Variants in DPP6 observed in about 807,000 individuals in gnomAD.
DPP6 encodes dipeptidyl peptidase like 6.
A neutral mutation model predicts 122.6 loss-of-function variants in DPP6; 69 were observed. That is an observed-to-expected ratio of 0.56 (90% CI 0.46 to 0.69). The LOEUF (loss-of-function observed/expected upper bound fraction) is 0.69, where lower values mean the gene tolerates loss of function less well. DPP6 is among the 30% of genes least tolerant of loss of function. The pLI is 0.00. For synonymous variants in DPP6, 418 were observed against 433.1 expected, an observed-to-expected ratio of 0.97 and a Z score of 0.43; for missense variants, 928 against 1,116.9, an observed-to-expected ratio of 0.83 and a Z score of 2.41.
intron 3 of DPP6, among the ~76,000 whole-genome samples, chr7:154,507,708 T>A (rs1219089426): frequency 6.6e-6 from 1 of 152,026 alleles, no homozygotes; most frequent in Non-Finnish European, 1.5e-5. Flanking sequence ...AATAAAGAAA[T>A]CTCTCAGCAA....
intron 6 of DPP6, among the ~76,000 whole-genome samples, chr7:154,668,208 TATATA>T (rs977796070): frequency 3.0e-5 from 3 of 100,264 alleles, no homozygotes. Context: ...TATATATATA[TATATA>T]TATATAATAT....
At chr7:154,172,099 TG>T (rs1372564977) in intron 1 of DPP6, among the ~76,000 whole-genome samples, 2 of 151,586 alleles carry the variant, frequency 1.3e-5, no homozygotes, top group African/African-American at 4.9e-5. Context: ...TGAGCCTCAT[TG>T]CAATACTTGT....
intron 1 of DPP6, among the ~76,000 whole-genome samples, chr7:154,061,462 G>A (rs1364825478): frequency 6.8e-6 from 1 of 146,944 alleles, no homozygotes. Context: ...GCTAAAGGAT[G>A]GCCCCCCTAT....
At chr7:154,794,343 G>C in intron 11 of DPP6, 141 bp downstream of exon 11, 2 of 1,345,386 alleles carry the variant, frequency 1.5e-6, no homozygotes, top group Non-Finnish European at 1.9e-6. Flanking sequence ...AGCCCGCGGC[G>C]CAGAGTCCCG....
intron 1 of DPP6, among the ~76,000 whole-genome samples, chr7:154,040,845 T>G (rs3864484): frequency 1.4e-5 from 2 of 147,640 alleles, no homozygotes; most frequent in African/African-American, 5.1e-5. Flanking sequence ...TGCAGCTCTT[T>G]CCTCCTGCCC....
In DPP6 at chr7:154,245,518, C is replaced by A. The variant is rs1486590294; in HGVS notation, c.243+192455C>A. 3.3e-5 allele frequency among the ~76,000 whole-genome samples: 5 copies of A among 150,784 alleles called. No individual in the cohort carries two copies. The East Asian group carries it at 1.0e-3, about 30-fold the overall frequency. The stretch of plus-strand genomic sequence containing the variant: ...GGCATGGTGGCGGGTGGCCTATAAT[C>A]CCAGCTACTTGGGAGGCTGAGGCAG... On this transcript the variant is annotated intron_variant, in intron 1 of 25. Transcript: ENST00000377770.
intron 1 of DPP6, among the ~76,000 whole-genome samples, chr7:154,220,954 G>A (rs1270437864): frequency 6.6e-6 from 1 of 152,132 alleles, no homozygotes; most frequent in Non-Finnish European, 1.5e-5. Flanking sequence ...TCTTGAATTA[G>A]TGATAAACAG....
At chr7:154,449,728 C>T (rs1037972570) in intron 2 of DPP6, among the ~76,000 whole-genome samples, 15 of 152,068 alleles carry the variant, frequency 9.9e-5, no homozygotes, top group Middle Eastern at 3.4e-3. Flanking sequence ...TGTGATGTGG[C>T]GGGGCGCGGT....
chr7:153,769,097 T>C, the DPP6 span, among the ~76,000 whole-genome samples: 2 of 152,214 alleles, frequency 1.3e-5, no homozygotes, highest in African/African-American at 2.4e-5. Context: ...TGAAAGATCA[T>C]TGATTTTCAT....
At chr7:154,867,186 TG>T (rs1330207712) in intron 17 of DPP6, among the ~76,000 whole-genome samples, 5 of 152,082 alleles carry the variant, frequency 3.3e-5, no homozygotes, top group Non-Finnish European at 5.9e-5. Flanking sequence ...GTAGGCTTAG[TG>T]TGAGAAGGGA....
chr7:154,493,706 G>T (rs558083781), intron 3 of DPP6, among the ~76,000 whole-genome samples: 2 of 152,092 alleles, frequency 1.3e-5, no homozygotes, highest in African/African-American at 4.8e-5. Context: ...TTTGGCTTTC[G>T]TGAACTGTGT....
chr7:153,834,644 G>A, the DPP6 span, among the ~76,000 whole-genome samples: 1 of 152,114 alleles, frequency 6.6e-6, no homozygotes, highest in Non-Finnish European at 1.5e-5. Context: ...ACAATGAGAT[G>A]GCCAGAACAT....
chr7:154,724,886 A>G (rs776347024), intron 7 of DPP6, among the ~76,000 whole-genome samples: 1 of 152,244 alleles, frequency 6.6e-6, no homozygotes, highest in Non-Finnish European at 1.5e-5. Flanking sequence ...TACTTAATGC[A>G]CTGAACTGGA....
intron 7 of DPP6, among the ~76,000 whole-genome samples, chr7:154,704,901 G>A (rs766402186): frequency 5.3e-5 from 8 of 152,110 alleles, no homozygotes; most frequent in Non-Finnish European, 8.8e-5. Context: ...CCTGTATATG[G>A]CTTTCTGTTT....
rs917740372 is a variant in DPP6 at position 154,618,734 on chromosome 7, C to T, written c.628-19087C>T. The stretch of plus-strand genomic sequence containing the variant: ...ACATGCCTACTAAATGCTCTGTAGG[C>T]TTTATCTCATTTTAACTTCACTTAC... On this transcript the variant is annotated intron_variant, in intron 5 of 25. Transcript: ENST00000377770. The surrounding 1 kb of genome is among the most constrained non-coding windows in gnomAD (Gnocchi z 4.1). 6.6e-6 allele frequency among the ~76,000 whole-genome samples: 1 copy of T among 152,160 alleles called. No individual in the cohort carries two copies. The highest frequency in any genetic ancestry group is 1.5e-5 in the Non-Finnish European group (1 of 68,030).
the DPP6 span, among the ~76,000 whole-genome samples, chr7:153,822,640 A>C: frequency 3.9e-5 from 6 of 152,316 alleles, no homozygotes; most frequent in African/African-American, 1.4e-4. Flanking sequence ...AATAATTAGA[A>C]AGCATTCCAG....
At position 154,216,652 on chromosome 7, in the gene DPP6, ATTC is replaced by A. The variant is rs376679233; in HGVS notation, c.243+163594_243+163596del. 5.3e-3 allele frequency among the ~76,000 whole-genome samples: 811 copies of A among 152,228 alleles called. 13 individuals carry two copies. Among genetic ancestry groups the A allele is most frequent in the African/African-American group, 0.018 (763 of 41,524 alleles). ...TTTCAAATTACAGAACCATTGGGTA[ATTC>A]TTCTATTACCCAGGGAATCAGTGCC... On this transcript the variant is annotated intron_variant, in intron 1 of 25. Coordinates refer to ENST00000377770, the MANE Select transcript of DPP6 (RefSeq NM_130797.4).
At chr7:154,353,810 A>G (rs1679365102) in intron 1 of DPP6, among the ~76,000 whole-genome samples, 1 of 152,256 alleles carries the variant, frequency 6.6e-6, no homozygotes, top group South Asian at 2.1e-4. Flanking sequence ...ATGGCAGGCA[A>G]GTGTCTGTGG....
Position 153,971,760 on chromosome 7 carries a change from T to G in DPP6, c.51+84026T>G, listed in dbSNP as rs572987279. Among the ~76,000 whole-genome samples the G allele has an allele frequency of 3.3e-3, 471 of 143,986 alleles. 5 individuals carry two copies. Among genetic ancestry groups the G allele is most frequent in the African/African-American group, 0.012 (459 of 38,692 alleles). 94.5% of individuals were successfully genotyped at this position (143,986 alleles called of 152,430 possible). ...AGCTAAAGGTCCCATAGGACTGTGCTGCAGGTCTCTAGAGCTCAGGTCTTC... is the reference window on the plus strand; with the variant it reads ...AGCTAAAGGTCCCATAGGACTGTGCGGCAGGTCTCTAGAGCTCAGGTCTTC... On this transcript the variant is annotated intron_variant, in intron 1 of 25. Coordinates refer to the DPP6 transcript ENST00000404039.
Sources: gnomAD v4.1 joint callset for allele counts (sites outside exome capture counted in the v4.1 genomes callset) on GRCh38, gnomAD v4.1.1 for gene constraint, Gnocchi (gnomAD v3.1) non-coding constraint, MANE v1.5 for transcripts, NCBI Gene and HGNC (gene_info 2026-07-23, HGNC 2026-07-21) for gene names.